The following PLD5 variants were observed in gnomAD, a reference collection of about 807,000 sequenced individuals.
PLD5 encodes inactive phospholipase D5.
In PLD5, 36 loss-of-function variants were observed where a neutral mutation model predicts 61.1. The ratio of observed to expected loss-of-function variants is 0.59; its 90% CI spans 0.45 to 0.78. The LOEUF is 0.78. Ranked by LOEUF, PLD5 falls within the 30% of genes least tolerant of loss-of-function variation. The pLI is 0.00. For synonymous variants in PLD5, 243 were observed against 242.8 expected, an observed-to-expected ratio of 1.00 and a Z score of -0.01; for missense variants, 515 against 644.4, an observed-to-expected ratio of 0.80 and a Z score of 2.17.
intron 5 of PLD5, among the ~76,000 whole-genome samples, chr1:242,150,205 T>A (rs1211365104): frequency 1.3e-5 from 2 of 151,772 alleles, no homozygotes; most frequent in African/African-American, 4.8e-5. Flanking sequence ...TTTTGAAATG[T>A]ATAACATTTT....
intron 1 of PLD5, among the ~76,000 whole-genome samples, chr1:242,428,624 TTAACC>T (rs1435339499): frequency 3.3e-5 from 5 of 152,316 alleles, no homozygotes; most frequent in Non-Finnish European, 7.3e-5. Flanking sequence ...AATGTCACAG[TTAACC>T]TAAGCAGCTG....
intron 1 of PLD5, among the ~76,000 whole-genome samples, chr1:242,519,098 T>A (rs1414229102): frequency 1.3e-5 from 2 of 152,188 alleles, no homozygotes; most frequent in African/African-American, 4.8e-5. Context: ...AGACTCTTTG[T>A]TTGTTTGTTG....
rs570722302 is a variant in PLD5, at chr1:242,199,033, C to T, written c.735+20955G>A. Among the ~76,000 whole-genome samples, 31 of 152,262 alleles carry T rather than the reference C, an allele frequency of 2.0e-4. No individual in the cohort carries two copies. In the South Asian group the frequency reaches 2.3e-3, roughly 11 times the overall value. On this transcript the variant is annotated intron_variant, in intron 5 of 9. Coordinates refer to ENST00000536534, the MANE Select transcript of PLD5 (RefSeq NM_001372062.1). ...ATAGGCATGAGCCACTGTGCCCTGCCTCATTATTGTTTTGTATTGATGATA... is the reference window on the plus strand; with the variant it reads ...ATAGGCATGAGCCACTGTGCCCTGCTTCATTATTGTTTTGTATTGATGATA...
At chr1:242,227,223 T>C (rs570522357) in intron 4 of PLD5, among the ~76,000 whole-genome samples, 1 of 152,166 alleles carries the variant, frequency 6.6e-6, no homozygotes, top group African/African-American at 2.4e-5. Flanking sequence ...TTTTGATTTT[T>C]ATTTTTTTTT....
At chr1:242,414,243 A>G (rs973802819) in intron 1 of PLD5, among the ~76,000 whole-genome samples, 2 of 152,180 alleles carry the variant, frequency 1.3e-5, no homozygotes, top group Non-Finnish European at 2.9e-5. Context: ...ACGCAAAAGG[A>G]TTGAGTGTTT....
At chr1:242,459,208 A>G (rs1667035652) in intron 1 of PLD5, among the ~76,000 whole-genome samples, 1 of 152,216 alleles carries the variant, frequency 6.6e-6, no homozygotes, top group Non-Finnish European at 1.5e-5. Context: ...CTCCGTTTCA[A>G]TATAATAAGT....
At chr1:242,124,031 C>T (rs572777204) in intron 6 of PLD5, among the ~76,000 whole-genome samples, 1 of 152,312 alleles carries the variant, frequency 6.6e-6, no homozygotes, top group South Asian at 2.1e-4. Flanking sequence ...AGATTTGTCT[C>T]ATCAAAGGGT....
chr1:242,198,528 C>T (rs576604311), intron 5 of PLD5, among the ~76,000 whole-genome samples: 1 of 151,102 alleles, frequency 6.6e-6, no homozygotes, highest in Non-Finnish European at 1.5e-5. Flanking sequence ...TAAATTAGAA[C>T]AAAACAAAAA....
At chr1:242,324,063 A>C (rs1467959931) in intron 2 of PLD5, among the ~76,000 whole-genome samples, 1 of 151,926 alleles carries the variant, frequency 6.6e-6, no homozygotes, top group Non-Finnish European at 1.5e-5. Context: ...TAAAATGGAA[A>C]ATACAATTTT....
chr1:242,484,962 A>G (rs1462382717), intron 1 of PLD5, among the ~76,000 whole-genome samples: 2 of 152,082 alleles, frequency 1.3e-5, no homozygotes, highest in African/African-American at 4.8e-5. Context: ...CAAAAACCAC[A>G]TGATTATCTC....
intron 1 of PLD5, among the ~76,000 whole-genome samples, chr1:242,390,371 A>G (rs976313901): frequency 2.0e-4 from 30 of 152,190 alleles, no homozygotes; most frequent in Non-Finnish European, 4.4e-5. Flanking sequence ...ACAAGGAGAA[A>G]TACTAAAAAC....
At chr1:242,437,655 C>G (rs527250038) in intron 1 of PLD5, among the ~76,000 whole-genome samples, 1 of 151,032 alleles carries the variant, frequency 6.6e-6, no homozygotes, top group Non-Finnish European at 1.5e-5. Flanking sequence ...CCACTGTACT[C>G]CAGCCTGGGC....
chr1:242,120,796 T>C (rs993578103), intron 6 of PLD5, among the ~76,000 whole-genome samples: 33 of 152,222 alleles, frequency 2.2e-4, no homozygotes, highest in African/African-American at 7.7e-4. Context: ...CAGCCAACTA[T>C]TGTTCCCATC....
chr1:242,099,193 C>T (rs1415893179), intron 9 of PLD5, among the ~76,000 whole-genome samples: 1 of 152,108 alleles, frequency 6.6e-6, no homozygotes, highest in Admixed American at 6.6e-5. Flanking sequence ...ATGATCTCGG[C>T]TCACTGCAAC....
intron 1 of PLD5, among the ~76,000 whole-genome samples, chr1:242,425,287 C>G (rs1028834042): frequency 2.0e-5 from 3 of 152,166 alleles, no homozygotes; most frequent in African/African-American, 4.8e-5. Flanking sequence ...TATGGTAGAG[C>G]CTATTGCTCT....
chr1:242,249,006 G>T (rs1008740257), intron 4 of PLD5, among the ~76,000 whole-genome samples: 6 of 152,106 alleles, frequency 3.9e-5, no homozygotes, highest in African/African-American at 1.4e-4. Flanking sequence ...AAATTAGCCG[G>T]GTGTGGTGGT....
intron 8 of PLD5, among the ~76,000 whole-genome samples, chr1:242,106,169 C>T (rs756031192): frequency 7.9e-5 from 12 of 152,166 alleles, no homozygotes; most frequent in Non-Finnish European, 1.2e-4. Flanking sequence ...TTTCCTTGTG[C>T]GTATCCTGTT....
At chr1:242,146,061 G>C (rs1664525184) in intron 5 of PLD5, among the ~76,000 whole-genome samples, 1 of 152,240 alleles carries the variant, frequency 6.6e-6, no homozygotes, top group Non-Finnish European at 1.5e-5. Context: ...GTCAGAGATG[G>C]AAAGTGGGGA....
chr1:242,282,900 C>G (rs1023613111), intron 3 of PLD5, among the ~76,000 whole-genome samples: 13 of 152,168 alleles, frequency 8.5e-5, no homozygotes, highest in Admixed American at 1.3e-4. Flanking sequence ...TTCTAACATA[C>G]AGTTATCATG....
Sources: gnomAD v4.1 joint callset for allele counts (sites outside exome capture counted in the v4.1 genomes callset) on GRCh38, gnomAD v4.1.1 for gene constraint, MANE v1.5 for transcripts, NCBI Gene and HGNC (gene_info 2026-07-23, HGNC 2026-07-21) for gene names.